The following GLG1 variants were observed in gnomAD, a reference collection of about 807,000 sequenced individuals.
GLG1 encodes the protein golgi glycoprotein 1, also known as Golgi apparatus protein 1.
GLG1 carries 38 observed loss-of-function variants against 160.5 expected under a neutral mutation model. The observed-to-expected ratio is 0.24, with a 90% CI of 0.18 to 0.31. GLG1 has a LOEUF of 0.31. GLG1 is among the 10% of genes least tolerant of loss of function. The probability of loss-of-function intolerance (pLI) is 1.00; values close to 1 mark genes in which losing one functional copy is unlikely to be tolerated. For synonymous variants in GLG1, 644 were observed against 543.4 expected (o/e 1.19, Z -2.57); for missense variants, 1,373 against 1,505.2 (o/e 0.91, Z 1.45).
intron 1 of GLG1, among the ~76,000 whole-genome samples, chr16:74,544,350 G>C (rs781710913): frequency 3.9e-5 from 6 of 152,164 alleles, no homozygotes; most frequent in African/African-American, 1.2e-4. Flanking sequence ...TTTCACTCTT[G>C]TTGCCCAGGC....
intron 22 of GLG1, 64 bp from the exon 23 acceptor site, chr16:74,459,853 TC>T (rs2014715294): frequency 2.6e-6 from 2 of 780,594 alleles, no homozygotes; most frequent in Non-Finnish European, 2.1e-6. Flanking sequence ...GACAGTTTCT[TC>T]TTTTTTTTTT....
At position 74,527,245 on chromosome 16, in the gene GLG1, C is replaced by CTTTTTTTTTTT. The variant is rs71158522; in HGVS notation, c.471+4865_471+4875dup. Among the ~76,000 whole-genome samples the CTTTTTTTTTTT allele has an allele frequency of 9.6e-5, 8 of 83,104 alleles. 1 individual carries two copies. The highest frequency in any genetic ancestry group is 4.3e-4 in the South Asian group (1 of 2,350). 54.5% of individuals were successfully genotyped at this position (83,104 alleles called of 152,430 possible). A position where few individuals can be genotyped will look rare whatever the true frequency, so the allele number is the denominator to read the frequency against. On this transcript the variant is annotated intron_variant, in intron 2 of 25. Coordinates refer to ENST00000422840, the MANE Select transcript of GLG1 (RefSeq NM_001145667.2). ...GTTATTGTTTTGGCTTAAGTCAGTTCTTTTTTTTTTTTTTTTTTTTTGAGA... is the reference window on the plus strand; with the variant it reads ...GTTATTGTTTTGGCTTAAGTCAGTTCTTTTTTTTTTTTTTTTTTTTTTTTTTTTTTTTGAGA...
At chr16:74,481,048 T>C (rs1281886158) in intron 10 of GLG1, among the ~76,000 whole-genome samples, 1 of 152,200 alleles carries the variant, frequency 6.6e-6, no homozygotes, top group Non-Finnish European at 1.5e-5. Context: ...AAACTAGAGT[T>C]ATAGCCACCA....
At chr16:74,479,861 T>C (rs1265702200) in intron 11 of GLG1, among the ~76,000 whole-genome samples, 1 of 152,156 alleles carries the variant, frequency 6.6e-6, no homozygotes, top group African/African-American at 2.4e-5. Context: ...AATGCAAATG[T>C]GTTCAGCTGC....
intron 1 of GLG1, among the ~76,000 whole-genome samples, chr16:74,547,357 T>C (rs1328899332): frequency 6.6e-6 from 1 of 151,648 alleles, no homozygotes; most frequent in African/African-American, 2.4e-5. Context: ...CATTTCGCTT[T>C]AGAATTTAAG....
chr16:74,548,436 A>G (rs1333075099), intron 1 of GLG1, among the ~76,000 whole-genome samples: 1 of 152,222 alleles, frequency 6.6e-6, no homozygotes, highest in Non-Finnish European at 1.5e-5. Context: ...CCAGACACTT[A>G]TATTTAAGAA....
chr16:74,546,837 C>CAAAAA (rs71376218), intron 1 of GLG1, among the ~76,000 whole-genome samples: 7,638 of 58,942 alleles, frequency 0.13, 1,143 homozygotes, highest in East Asian at 0.18. Flanking sequence ...GACTCCATCT[C>CAAAAA]AAAAAAAAAA....
chr16:74,512,160 CTT>C (rs71848568), intron 2 of GLG1, among the ~76,000 whole-genome samples: 3 of 135,862 alleles, frequency 2.2e-5, no homozygotes, highest in Non-Finnish European at 3.1e-5. Flanking sequence ...TCTTTTATTT[CTT>C]TTTTTTTTTT....
chr16:74,572,393 C>A (rs2018853923), intron 1 of GLG1, among the ~76,000 whole-genome samples: 1 of 152,056 alleles, frequency 6.6e-6, no homozygotes, highest in Non-Finnish European at 1.5e-5. Flanking sequence ...CACCTGTAAT[C>A]CCAGCTACTC....
At chr16:74,499,443 T>G (rs1191347661) in intron 4 of GLG1, among the ~76,000 whole-genome samples, 2 of 152,102 alleles carry the variant, frequency 1.3e-5, no homozygotes, top group Admixed American at 1.3e-4. Context: ...TTTCCTATGT[T>G]TATATGTACT....
chr16:74,537,001 G>A (rs2017704571), intron 1 of GLG1, among the ~76,000 whole-genome samples: 1 of 152,082 alleles, frequency 6.6e-6, no homozygotes, highest in Non-Finnish European at 1.5e-5. Flanking sequence ...CTTACATCAA[G>A]TATTTACTCA....
intron 1 of GLG1, among the ~76,000 whole-genome samples, chr16:74,542,397 G>A (rs2017896033): frequency 6.6e-6 from 1 of 152,098 alleles, no homozygotes; most frequent in African/African-American, 2.4e-5. Context: ...GCCGGGCGCG[G>A]TGGCTCACGT....
intron 16 of GLG1, chr16:74,469,300 C>G (rs1006564436): frequency 1.2e-5 from 7 of 562,332 alleles, no homozygotes; most frequent in Non-Finnish European, 1.9e-5. Context: ...AAGGGGAAGC[C>G]ACACAGGGCA....
At chr16:74,514,854 TAG>T (rs944244171) in intron 2 of GLG1, among the ~76,000 whole-genome samples, 6 of 151,970 alleles carry the variant, frequency 3.9e-5, no homozygotes, top group Admixed American at 3.9e-4. Flanking sequence ...GCAAACTGCA[TAG>T]AGTCAAGACC....
chr16:74,577,824 T>C (rs1048820758), intron 1 of GLG1, among the ~76,000 whole-genome samples: 12 of 151,810 alleles, frequency 7.9e-5, no homozygotes, highest in Non-Finnish European at 1.6e-4. Context: ...AGTATGTTAC[T>C]TGGGCTGATC....
intron 11 of GLG1, among the ~76,000 whole-genome samples, chr16:74,477,895 C>T (rs1025992068): frequency 6.6e-6 from 1 of 151,676 alleles, no homozygotes; most frequent in Non-Finnish European, 1.5e-5. Flanking sequence ...ATCGCTTGAA[C>T]CCGGGAGGTG....
chr16:74,596,912 T>C (rs187318856), intron 1 of GLG1, among the ~76,000 whole-genome samples: 170 of 151,496 alleles, frequency 1.1e-3, no homozygotes, highest in Non-Finnish European at 2.0e-3. Flanking sequence ...AACTCAGGAG[T>C]TGGAGACCAG....
chr16:74,462,914 A>C (rs936594784), intron 20 of GLG1: 3 of 471,864 alleles, frequency 6.4e-6, no homozygotes, highest in African/African-American at 5.9e-5. Flanking sequence ...AGGGGACATC[A>C]GCAACCTTCC....
chr16:74,506,312 C>G (rs1450228040), intron 3 of GLG1, among the ~76,000 whole-genome samples: 1 of 151,750 alleles, frequency 6.6e-6, no homozygotes, highest in Non-Finnish European at 1.5e-5. Flanking sequence ...GGAGCGGTGG[C>G]TCACACCTGT....
Sources: allele counts gnomAD v4.1 joint callset (sites outside exome capture counted in the v4.1 genomes callset), GRCh38; gene constraint gnomAD v4.1.1; transcripts MANE v1.5; gene names NCBI Gene and HGNC (gene_info 2026-07-23, HGNC 2026-07-21).